Variants in ME1 observed in about 807,000 individuals in gnomAD.
The protein encoded by ME1 is malic enzyme 1.
A neutral mutation model predicts 66.4 loss-of-function variants in ME1; 74 were observed. That is an observed-to-expected ratio of 1.11 (90% CI 0.92 to 1.35). The LOEUF is 1.35. Among genes scored for constraint, ME1 ranks in the 40% most tolerant of loss-of-function variants. The pLI is 0.00. For synonymous variants in ME1, 251 were observed against 235.6 expected, an observed-to-expected ratio of 1.07 and a Z score of -0.60; for missense variants, 750 against 694.1, an observed-to-expected ratio of 1.08 and a Z score of -0.90.
chr6:83,407,685 T>A (rs1769972249), intron 2 of ME1, 83 bp downstream of exon 2: 1 of 1,337,246 alleles, frequency 7.5e-7, no homozygotes, highest in African/African-American at 1.5e-5. Flanking sequence ...AATCATTAAA[T>A]GTTTTCATTT....
chr6:83,307,443 T>C, intron 6 of ME1, among the ~76,000 whole-genome samples: 1 of 152,144 alleles, frequency 6.6e-6, no homozygotes, highest in South Asian at 2.1e-4. Flanking sequence ...TTCACCTGGT[T>C]ATTTCACCCT....
At chr6:83,330,766 C>T (rs1768391461) in intron 5 of ME1, among the ~76,000 whole-genome samples, 1 of 152,092 alleles carries the variant, frequency 6.6e-6, no homozygotes, top group Non-Finnish European at 1.5e-5. Context: ...TCCCAAGGCA[C>T]TAGTGTAGTG....
chr6:83,289,491 C>A (rs202238674), intron 6 of ME1, among the ~76,000 whole-genome samples: 1 of 152,074 alleles, frequency 6.6e-6, no homozygotes, highest in Non-Finnish European at 1.5e-5. Flanking sequence ...TGCATCCCAG[C>A]GATGAAGCTG....
At chr6:83,333,682 T>A (rs925371868) in intron 5 of ME1, among the ~76,000 whole-genome samples, 3 of 152,154 alleles carry the variant, frequency 2.0e-5, no homozygotes, top group Admixed American at 2.0e-4. Flanking sequence ...GAAAAGTTAA[T>A]CCAGAATCTT....
rs761014486 is a variant in ME1, at chr6:83,430,971, G to A, written c.-17C>T. The A allele has an allele frequency of 3.3e-6, 5 of 1,529,444 alleles. No individual in the cohort carries two copies. Among genetic ancestry groups the A allele is most frequent in the South Asian group, 1.2e-5 (1 of 81,542 alleles). The allele number at this position is 1,529,444 out of a possible 1,614,324, so 94.7% of individuals were successfully genotyped here. A position where few individuals can be genotyped will look rare whatever the true frequency, so the allele number is the denominator to read the frequency against. On this transcript the variant is annotated 5_prime_UTR_variant, in exon 1 of 14. Coordinates refer to ENST00000369705, the MANE Select transcript of ME1 (RefSeq NM_002395.6). The stretch of plus-strand genomic sequence containing the variant: ...GGGCTCCATGGCTGGCGCCGGGTTC[G>A]GCGGCGGGGTCAGGCCGGGGCGGGC...
At chr6:83,369,061 G>A (rs1482617378) in intron 3 of ME1, among the ~76,000 whole-genome samples, 2 of 152,096 alleles carry the variant, frequency 1.3e-5, no homozygotes, top group Non-Finnish European at 2.9e-5. Context: ...TGTGCAGAAT[G>A]TGACTTTTAA....
In ME1 at chr6:83,227,394, A is replaced by G. The variant is rs775850290; in HGVS notation, c.1216T>C (p.Leu406=). 6.2e-7 allele frequency: 1 copy of G among 1,607,524 alleles called. No individual in the cohort carries two copies. The highest frequency in any genetic ancestry group is 8.5e-7 in the Non-Finnish European group (1 of 1,175,720). ...TCTGCTTTGCTAGTTGGATTACTCAAAGCAAAAATAATAGGCCGTTCATTG... is the reference window on the plus strand; with the variant it reads ...TCTGCTTTGCTAGTTGGATTACTCAGAGCAAAAATAATAGGCCGTTCATTG... ...AFNERPIIFA[L]SNPTSKAECS... is the part of the protein sequence containing the mutation. The change falls in exon 11 of 14, where the codon TTG becomes CTG. Residue 406 remains leucine, a synonymous_variant. Coordinates refer to ENST00000369705, the MANE Select transcript of ME1 (RefSeq NM_002395.6).
At chr6:83,331,280 T>A (rs370997239) in intron 5 of ME1, among the ~76,000 whole-genome samples, 7 of 152,094 alleles carry the variant, frequency 4.6e-5, no homozygotes, top group East Asian at 3.9e-4. Flanking sequence ...TAATCCAATA[T>A]GACTGGTCCT....
intron 3 of ME1, among the ~76,000 whole-genome samples, chr6:83,377,042 C>T (rs1769305530): frequency 6.6e-6 from 1 of 152,092 alleles, no homozygotes; most frequent in African/African-American, 2.4e-5. Flanking sequence ...AAAGTTTATA[C>T]TGTGGAAATG....
chr6:83,316,380 A>G (rs1768029609), intron 5 of ME1, among the ~76,000 whole-genome samples: 1 of 152,184 alleles, frequency 6.6e-6, no homozygotes, highest in African/African-American at 2.4e-5. Flanking sequence ...ATACCCATTC[A>G]TAACAAAAGC....
chr6:83,273,790 G>A (rs187093477), intron 6 of ME1, among the ~76,000 whole-genome samples: 75 of 152,262 alleles, frequency 4.9e-4, no homozygotes, highest in African/African-American at 1.7e-3. Flanking sequence ...CACCATCTCT[G>A]CTGCTTCAGT....
At chr6:83,280,617 C>G (rs750813380) in intron 6 of ME1, among the ~76,000 whole-genome samples, 14 of 152,196 alleles carry the variant, frequency 9.2e-5, no homozygotes, top group Non-Finnish European at 1.3e-4. Flanking sequence ...CACATTTTGT[C>G]TCCACTAACT....
At chr6:83,213,040 T>G (rs1789925148) in intron 13 of ME1, among the ~76,000 whole-genome samples, 2 of 151,912 alleles carry the variant, frequency 1.3e-5, no homozygotes, top group Non-Finnish European at 1.5e-5. Flanking sequence ...CACCAGTTTT[T>G]TTTTTTTTTT....
Position 83,352,118 on chromosome 6 carries a change from G to A in ME1, c.384C>T (p.His128=), listed in dbSNP as rs201405117. 4.0e-5 allele frequency: 63 copies of A among 1,559,570 alleles called. No individual in the cohort carries two copies. Among genetic ancestry groups the A allele is most frequent in the East Asian group, 1.4e-4 (6 of 42,950 alleles). Residue 128 remains histidine (H), a synonymous_variant, in exon 4 of 14, where the codon CAC becomes CAT. Coordinates refer to ENST00000369705, the MANE Select transcript of ME1 (RefSeq NM_002395.6). ...RKPRGLFITI[H]DRGHIASVLN... is the part of the protein sequence containing the mutation. ...GAACTGAAGCAATATGCCCTCGATC[G>A]TGGATAGTAATAAAGAGACCTCTGC...
chr6:83,237,855 T>G, intron 8 of ME1, 25 bp from the exon 9 acceptor site: 1 of 1,346,094 alleles, frequency 7.4e-7, no homozygotes, highest in African/African-American at 1.5e-5. Flanking sequence ...GAAAAAATTT[T>G]AAAGTTGTTC....
intron 3 of ME1, among the ~76,000 whole-genome samples, chr6:83,370,886 T>G (rs114377137): frequency 6.6e-6 from 1 of 152,104 alleles, no homozygotes; most frequent in Non-Finnish European, 1.5e-5. Flanking sequence ...TGCACCAGAA[T>G]GACTCCATGC....
At chr6:83,280,884 A>G (rs187293131) in intron 6 of ME1, among the ~76,000 whole-genome samples, 75 of 152,340 alleles carry the variant, frequency 4.9e-4, no homozygotes, top group African/African-American at 1.7e-3. Flanking sequence ...CAAATAGTCA[A>G]TATTTGTTGA....
chr6:83,374,860 C>T (rs35655548), intron 3 of ME1, among the ~76,000 whole-genome samples: 38,567 of 152,052 alleles, frequency 0.25, 5,574 homozygotes, highest in Middle Eastern at 0.46. Context: ...GAATTCCTTT[C>T]CCCATTGCTT....
At chr6:83,369,671 C>CGAAGGAAGGAAT (rs1214861000) in intron 3 of ME1, among the ~76,000 whole-genome samples, 1 of 72,302 alleles carries the variant, frequency 1.4e-5, no homozygotes, top group Non-Finnish European at 2.5e-5. Flanking sequence ...AAGGAAGGAA[C>CGAAGGAAGGAAT]GAAGGAAGGA....
Sources: allele counts gnomAD v4.1 joint callset (sites outside exome capture counted in the v4.1 genomes callset), GRCh38; gene constraint gnomAD v4.1.1; transcripts MANE v1.5; gene names NCBI Gene and HGNC (gene_info 2026-07-23, HGNC 2026-07-21).